The following MTMR7 variants were observed in gnomAD, a reference collection of about 807,000 sequenced individuals.
MTMR7 encodes the protein myotubularin related protein 7.
Under a neutral mutation model 81.2 loss-of-function variants are expected in MTMR7, and 76 were observed. The observed-to-expected ratio is 0.94, with a 90% CI of 0.78 to 1.13. The LOEUF (loss-of-function observed/expected upper bound fraction) is 1.13, where lower values mean the gene tolerates loss of function less well. Among genes scored for constraint, MTMR7 ranks in the 50% most tolerant of loss-of-function variants. The probability of loss-of-function intolerance (pLI) is 0.00; values close to 1 mark genes in which losing one functional copy is unlikely to be tolerated. For synonymous variants in MTMR7, 372 were observed against 289.8 expected (o/e 1.28, Z -2.88); for missense variants, 1,044 against 820.0 (o/e 1.27, Z -3.34).
intron 1 of MTMR7, among the ~76,000 whole-genome samples, chr8:17,410,019 T>C (rs13263074): frequency 0.22 from 33,766 of 152,126 alleles, 4,577 homozygotes; most frequent in South Asian, 0.3. Flanking sequence ...CTGAGGATTC[T>C]CACTTTATAT....
intron 4 of MTMR7, among the ~76,000 whole-genome samples, chr8:17,352,596 C>G (rs537838317): frequency 1.3e-5 from 2 of 152,192 alleles, no homozygotes; most frequent in South Asian, 4.1e-4. Flanking sequence ...AAATACTAGA[C>G]AAATGGAACC....
intron 9 of MTMR7, 75 bp downstream of exon 9, chr8:17,311,436 C>T: frequency 6.3e-7 from 1 of 1,593,908 alleles, no homozygotes; most frequent in African/African-American, 1.3e-5. Context: ...ACAGCAGTTG[C>T]CAGTAGTTGT....
chr8:17,342,602 G>A (rs1444065271), intron 5 of MTMR7, among the ~76,000 whole-genome samples: 1 of 152,168 alleles, frequency 6.6e-6, no homozygotes, highest in Non-Finnish European at 1.5e-5. Context: ...GCTCCTTGTT[G>A]GAGAAGGTGG....
intron 7 of MTMR7, among the ~76,000 whole-genome samples, chr8:17,325,425 A>T (rs1231359647): frequency 6.6e-6 from 1 of 152,216 alleles, no homozygotes; most frequent in African/African-American, 2.4e-5. Flanking sequence ...TGACTTTGCC[A>T]CAAAACATTC....
intron 4 of MTMR7, among the ~76,000 whole-genome samples, 192 bp downstream of exon 4, chr8:17,360,925 A>G (rs1056433715): frequency 6.6e-6 from 1 of 152,202 alleles, no homozygotes; most frequent in Non-Finnish European, 1.5e-5. Context: ...TGATCTGTAT[A>G]GCAGGTTCAA....
chr8:17,343,658 T>G (rs571744039), intron 5 of MTMR7, among the ~76,000 whole-genome samples: 1 of 152,246 alleles, frequency 6.6e-6, no homozygotes, highest in Non-Finnish European at 1.5e-5. Flanking sequence ...TGAGGAACTA[T>G]ACTGGAACTG....
Position 17,305,826 on chromosome 8 carries a change from T to A in MTMR7, c.1283A>T (p.Gln428Leu), listed in dbSNP as rs1349244477. 6.2e-7 allele frequency: 1 copy of A among 1,613,740 alleles called. No individual in the cohort carries two copies. Among genetic ancestry groups the A allele is most frequent in the South Asian group, 1.1e-5 (1 of 91,064 alleles). The change falls in exon 11 of 14, where the codon CAA becomes CTA. Residue 428 changes from glutamine (Q) to leucine (L), a missense_variant. Coordinates refer to ENST00000180173, the MANE Select transcript of MTMR7 (RefSeq NM_004686.5). The part of the protein sequence containing the change: ...EFNERFLIHI[Q>L]HHIYSCQFGN... ...AAACTGGCAGGAATAAATGTGATGT[T>A]GAATGTGAATCAAAAACCTCTCATT...
chr8:17,398,590 C>A (rs918993788), intron 1 of MTMR7, among the ~76,000 whole-genome samples: 4 of 152,088 alleles, frequency 2.6e-5, no homozygotes, highest in African/African-American at 9.7e-5. Context: ...CTAAGAGTTA[C>A]TGGCCTTAAA....
chr8:17,307,004 A>T (rs1260951930), intron 10 of MTMR7, among the ~76,000 whole-genome samples: 2 of 152,244 alleles, frequency 1.3e-5, no homozygotes, highest in Non-Finnish European at 2.9e-5. Flanking sequence ...CTAAAACACC[A>T]AAAGCAATGG....
At chr8:17,389,962 T>A (rs1354781664) in intron 1 of MTMR7, among the ~76,000 whole-genome samples, 4 of 151,808 alleles carry the variant, frequency 2.6e-5, no homozygotes, top group Non-Finnish European at 5.9e-5. Context: ...GTACCAGACA[T>A]AGAGTGTTCT....
chr8:17,309,488 C>G lies in MTMR7; in HGVS notation c.1102-162G>C, dbSNP rs1046007817. Among the ~76,000 whole-genome samples, 3 of 152,156 alleles carry G rather than the reference C, an allele frequency of 2.0e-5. No individual in the cohort carries two copies. The East Asian group carries it at 5.8e-4, about 29-fold the overall frequency. ...CATTATCCACCCATATAGAGATGCA[C>G]ATGGCAAAGGCAAAGTTGAAGGTCA... On this transcript the variant is annotated intron_variant, in intron 9 of 13. Coordinates refer to ENST00000180173, the MANE Select transcript of MTMR7 (RefSeq NM_004686.5).
At chr8:17,341,627 A>C (rs1819410936) in intron 5 of MTMR7, 130 bp from the exon 6 acceptor site, 8 of 1,142,724 alleles carry the variant, frequency 7.0e-6, no homozygotes, top group Non-Finnish European at 9.7e-6. Context: ...AAAACGTGAT[A>C]CAGCTTTCTG....
chr8:17,394,976 G>A (rs751310305), intron 1 of MTMR7, among the ~76,000 whole-genome samples: 9 of 152,076 alleles, frequency 5.9e-5, no homozygotes, highest in Admixed American at 3.9e-4. Flanking sequence ...ATTCAGTGGC[G>A]TTAAGTACAT....
Position 17,381,808 on chromosome 8 carries a change from T to C in MTMR7, c.25-8568A>G, listed in dbSNP as rs532730531. 2.6e-5 allele frequency among the ~76,000 whole-genome samples: 4 copies of C among 152,344 alleles called. No individual in the cohort carries two copies. In the East Asian group the frequency reaches 5.8e-4, roughly 22 times the overall value. On this transcript the variant is annotated intron_variant, in intron 1 of 13. Coordinates refer to ENST00000180173, the MANE Select transcript of MTMR7 (RefSeq NM_004686.5). ...CAGCTAGATAAATAGTTTGTTGTGCTAAAATTGGTATCATGACATTTTCTA... is the reference window on the plus strand; with the variant it reads ...CAGCTAGATAAATAGTTTGTTGTGCCAAAATTGGTATCATGACATTTTCTA...
chr8:17,377,882 A>C (rs34145287), intron 1 of MTMR7, among the ~76,000 whole-genome samples: 13,578 of 152,212 alleles, frequency 0.089, 869 homozygotes, highest in Non-Finnish European at 0.14. Flanking sequence ...AACTACGATA[A>C]AGATATTATG....
chr8:17,351,871 T>C (rs1459370204), intron 4 of MTMR7, among the ~76,000 whole-genome samples: 1 of 152,200 alleles, frequency 6.6e-6, no homozygotes, highest in East Asian at 1.9e-4. Flanking sequence ...CCTGCTTTCA[T>C]CAAAGTAGAC....
chr8:17,341,243 G>A, intron 6 of MTMR7, 120 bp downstream of exon 6: 2 of 1,358,468 alleles, frequency 1.5e-6, no homozygotes, highest in Non-Finnish European at 2.0e-6. Context: ...ACTATGCCAA[G>A]AGGAACCGCC....
rs1008736353 is a variant in MTMR7, at chr8:17,299,788, A to G, written c.*74T>C. 1.5e-5 allele frequency: 23 copies of G among 1,561,274 alleles called. No individual in the cohort carries two copies. Among genetic ancestry groups the G allele is most frequent in the Middle Eastern group, 3.5e-4 (2 of 5,720 alleles). ...ACATGCACCATTTCCTGTTTTTACA[A>G]TAAACCACCTTGTTCCCTTGTTTTT... On this transcript the variant is annotated 3_prime_UTR_variant, in exon 14 of 14. Coordinates refer to ENST00000180173, the MANE Select transcript of MTMR7 (RefSeq NM_004686.5).
In MTMR7 at chr8:17,348,879, G is replaced by T. The variant is rs988323588; in HGVS notation, c.597+74C>A. On this transcript the variant is annotated intron_variant, in intron 5 of 13. Coordinates refer to ENST00000180173, the MANE Select transcript of MTMR7 (RefSeq NM_004686.5). ...AAACACACACACACGCACAGCAGAA[G>T]GCAGCTAGAAAATGCCTGCTTATGA... 31 of 1,559,148 alleles carry T rather than the reference G, an allele frequency of 2.0e-5. No individual in the cohort carries two copies. The Admixed American group carries it at 5.0e-4, about 25-fold the overall frequency.
Sources: gnomAD v4.1 joint callset for allele counts (sites outside exome capture counted in the v4.1 genomes callset) on GRCh38, gnomAD v4.1.1 for gene constraint, MANE v1.5 for transcripts, NCBI Gene and HGNC (gene_info 2026-07-23, HGNC 2026-07-21) for gene names.